Variants in CLNK observed in about 807,000 individuals in gnomAD.
CLNK encodes the protein cytokine-dependent hematopoietic cell linker.
Under a neutral mutation model 68.6 loss-of-function variants are expected in CLNK, and 74 were observed. The ratio of observed to expected loss-of-function variants is 1.08; its 90% CI spans 0.89 to 1.31. CLNK has a LOEUF of 1.31. Ranked by LOEUF, CLNK falls within the 50% of genes most tolerant of loss-of-function variation. The pLI is 0.00. For missense variants in CLNK, 553 were observed against 515.3 expected, an observed-to-expected ratio of 1.07 and a Z score of -0.71; for synonymous variants, 198 against 172.2, an observed-to-expected ratio of 1.15 and a Z score of -1.17.
the CLNK span, among the ~76,000 whole-genome samples, chr4:10,699,264 TACACACACACACACCACATACGTGTATAC>T: frequency 2.6e-4 from 18 of 69,962 alleles, 1 homozygote; most frequent in African/African-American, 6.0e-4. Context: ...TATGTGTGTA[TACACACACACACACCACATACGTGTATAC>T]ACACACACAC....
At chr4:10,516,343 C>T (rs1342355569) in intron 15 of CLNK, among the ~76,000 whole-genome samples, 1 of 152,094 alleles carries the variant, frequency 6.6e-6, no homozygotes, top group Non-Finnish European at 1.5e-5. Flanking sequence ...AGTAACTTAA[C>T]AAGAACTTTG....
intron 2 of CLNK, among the ~76,000 whole-genome samples, chr4:10,626,654 T>C (rs1047186249): frequency 6.6e-6 from 1 of 152,186 alleles, no homozygotes. Flanking sequence ...TAAATACTAA[T>C]TTTTTGGTAA....
intron 1 of CLNK, among the ~76,000 whole-genome samples, chr4:10,676,079 CTA>C (rs1052726854): frequency 1.5e-5 from 2 of 129,504 alleles, no homozygotes; most frequent in Non-Finnish European, 3.6e-5. Context: ...GTGTGTGTGT[CTA>C]TGTGTGTGTG....
chr4:10,571,657 A>G, intron 5 of CLNK, 84 bp downstream of exon 5: 1 of 1,145,998 alleles, frequency 8.7e-7, no homozygotes, highest in Non-Finnish European at 1.3e-6. Flanking sequence ...ATTTTTAAAC[A>G]TTTTACCCAG....
At chr4:10,564,451 C>A (rs1006391760) in intron 7 of CLNK, among the ~76,000 whole-genome samples, 1 of 152,196 alleles carries the variant, frequency 6.6e-6, no homozygotes, top group African/African-American at 2.4e-5. Flanking sequence ...CAATCTTCCA[C>A]ACATCTGAAT....
At chr4:10,690,264 A>G in the CLNK span, among the ~76,000 whole-genome samples, 1 of 152,148 alleles carries the variant, frequency 6.6e-6, no homozygotes, top group East Asian at 1.9e-4. Flanking sequence ...TGACTAAACC[A>G]TCCCACAGGA....
At chr4:10,583,301 G>T (rs149931745) in intron 4 of CLNK, among the ~76,000 whole-genome samples, 3 of 151,574 alleles carry the variant, frequency 2.0e-5, no homozygotes, top group Non-Finnish European at 4.4e-5. Context: ...TTTTTGAGAC[G>T]GAGTCTTGCT....
chr4:10,697,433 G>A, the CLNK span: 2 of 152,212 alleles, frequency 1.3e-5, no homozygotes, highest in Non-Finnish European at 2.9e-5. Flanking sequence ...TGGGGTCAGG[G>A]TCTCCAGGAA....
chr4:10,491,884 T>C (rs976770964), intron 18 of CLNK, among the ~76,000 whole-genome samples: 3 of 152,160 alleles, frequency 2.0e-5, no homozygotes, highest in Admixed American at 6.5e-5. Context: ...ATAATATACA[T>C]TGTATGTACC....
chr4:10,597,037 T>C (rs1310380264), intron 3 of CLNK, among the ~76,000 whole-genome samples: 1 of 152,226 alleles, frequency 6.6e-6, no homozygotes, highest in African/African-American at 2.4e-5. Context: ...CAAAGTGGTT[T>C]TGCAAAACAC....
chr4:10,676,660 C>T (rs538006244), intron 1 of CLNK, among the ~76,000 whole-genome samples: 7 of 151,974 alleles, frequency 4.6e-5, no homozygotes, highest in Non-Finnish European at 8.8e-5. Context: ...CTTCAGCTGC[C>T]TGATTCTGCA....
chr4:10,585,903 G>T (rs1720947759), intron 3 of CLNK, among the ~76,000 whole-genome samples: 1 of 152,158 alleles, frequency 6.6e-6, no homozygotes, highest in Admixed American at 6.5e-5. Context: ...CAACCATTTT[G>T]GCATCAGGGA....
At chr4:10,535,901 G>T (rs1052676791) in intron 11 of CLNK, among the ~76,000 whole-genome samples, 3 of 152,090 alleles carry the variant, frequency 2.0e-5, no homozygotes, top group African/African-American at 7.2e-5. Flanking sequence ...CATAATAATG[G>T]TACATAAGTG....
At chr4:10,730,379 T>C in the CLNK span, among the ~76,000 whole-genome samples, 1 of 152,220 alleles carries the variant, frequency 6.6e-6, no homozygotes, top group South Asian at 2.1e-4. Flanking sequence ...GTCGTACTGA[T>C]TGTGCTCCCT....
At chr4:10,675,634 T>C (rs1311290645) in intron 1 of CLNK, among the ~76,000 whole-genome samples, 1 of 152,206 alleles carries the variant, frequency 6.6e-6, no homozygotes, top group Non-Finnish European at 1.5e-5. Context: ...AATTGTTTTG[T>C]TCCCAAACAT....
At chr4:10,725,764 A>G in the CLNK span, among the ~76,000 whole-genome samples, 1 of 151,840 alleles carries the variant, frequency 6.6e-6, no homozygotes, top group South Asian at 2.1e-4. Flanking sequence ...CTGAGGCAGG[A>G]GAATGGCGTG....
intron 2 of CLNK, among the ~76,000 whole-genome samples, chr4:10,666,199 G>A (rs375929107): frequency 1.7e-4 from 26 of 152,258 alleles, no homozygotes; most frequent in South Asian, 1.5e-3. Context: ...CCTTAATTTC[G>A]AATTTCTGGC....
chr4:10,575,447 C>T (rs904134032), intron 4 of CLNK, among the ~76,000 whole-genome samples: 5 of 152,230 alleles, frequency 3.3e-5, no homozygotes, highest in South Asian at 4.1e-4. Flanking sequence ...CCCTGACTAC[C>T]GGTGTCAAGC....
At chr4:10,528,669 A>G (rs1718420641) in intron 12 of CLNK, among the ~76,000 whole-genome samples, 1 of 152,244 alleles carries the variant, frequency 6.6e-6, no homozygotes, top group Admixed American at 6.5e-5. Flanking sequence ...TTTGGAATAA[A>G]AACTGGACCC....
Sources: allele counts gnomAD v4.1 joint callset (sites outside exome capture counted in the v4.1 genomes callset), GRCh38; gene constraint gnomAD v4.1.1; transcripts MANE v1.5; gene names NCBI Gene and HGNC (gene_info 2026-07-23, HGNC 2026-07-21).